CLSTN2: variants seen among roughly 807,000 people sequenced by gnomAD.
CLSTN2 encodes the protein calsyntenin 2.
CLSTN2 carries 48 observed loss-of-function variants against 101.2 expected under a neutral mutation model. That is an observed-to-expected ratio of 0.47 (90% CI 0.38 to 0.60). The LOEUF (loss-of-function observed/expected upper bound fraction) is 0.60, where lower values mean the gene tolerates loss of function less well. CLSTN2 is among the 20% of genes least tolerant of loss of function. The pLI, the probability that CLSTN2 is intolerant of heterozygous loss-of-function variation, is 0.00. For missense variants in CLSTN2, 1,160 were observed against 1,238.2 expected, an observed-to-expected ratio of 0.94 and a Z score of 0.95; for synonymous variants, 481 against 463.6, an observed-to-expected ratio of 1.04 and a Z score of -0.48.
intron 1 of CLSTN2, among the ~76,000 whole-genome samples, chr3:140,003,645 T>G (rs2006893502): frequency 6.6e-6 from 1 of 152,182 alleles, no homozygotes; most frequent in African/African-American, 2.4e-5. Flanking sequence ...TTCCATTCAG[T>G]ATGATACTAG....
chr3:140,563,043 C>G, intron 14 of CLSTN2, 37 bp from the exon 15 acceptor site: 1 of 1,613,186 alleles, frequency 6.2e-7, no homozygotes, highest in Non-Finnish European at 8.5e-7. Context: ...CCACCTGCCA[C>G]TCCTGGGTCA....
chr3:139,999,201 CA>C (rs1487905590), intron 1 of CLSTN2, among the ~76,000 whole-genome samples: 1 of 152,120 alleles, frequency 6.6e-6, no homozygotes, highest in East Asian at 1.9e-4. Flanking sequence ...ATTTTAGATA[CA>C]GGGGGTACAT....
At chr3:140,490,231 C>T (rs1934326987) in intron 8 of CLSTN2, among the ~76,000 whole-genome samples, 1 of 148,898 alleles carries the variant, frequency 6.7e-6, no homozygotes, top group African/African-American at 2.5e-5. Flanking sequence ...GAATCCACAC[C>T]GGTCATTTCT....
intron 2 of CLSTN2, among the ~76,000 whole-genome samples, chr3:140,388,035 G>A (rs2088072951): frequency 6.6e-6 from 1 of 152,198 alleles, no homozygotes; most frequent in African/African-American, 2.4e-5. Context: ...CAAGCACCAC[G>A]ATTGCTTCTC....
At chr3:140,162,723 T>C (rs1389443499) in intron 1 of CLSTN2, among the ~76,000 whole-genome samples, 1 of 152,184 alleles carries the variant, frequency 6.6e-6, no homozygotes, top group Non-Finnish European at 1.5e-5. Context: ...ACAGTTCACA[T>C]AAATAACAAG....
intron 1 of CLSTN2, among the ~76,000 whole-genome samples, chr3:140,028,205 G>A (rs184496586): frequency 5.9e-5 from 9 of 152,250 alleles, no homozygotes; most frequent in East Asian, 5.8e-4. Context: ...AGGGAAGGTC[G>A]TGTTTCTTAA....
At chr3:139,955,722 T>C (rs1045535257) in intron 1 of CLSTN2, among the ~76,000 whole-genome samples, 11 of 152,252 alleles carry the variant, frequency 7.2e-5, no homozygotes, top group Non-Finnish European at 1.6e-4. Context: ...ATGGCTTGCA[T>C]TTTCTCCTGG....
intron 1 of CLSTN2, among the ~76,000 whole-genome samples, chr3:140,164,267 G>A (rs546038268): frequency 6.6e-6 from 1 of 152,098 alleles, no homozygotes; most frequent in Non-Finnish European, 1.5e-5. Flanking sequence ...GCCCTTGGGA[G>A]TTAAGCTTAG....
rs775598204 is a variant in CLSTN2, at chr3:140,572,298, A to G, written c.*6045A>G. 2 of 152,248 alleles carry G rather than the reference A, an allele frequency of 1.3e-5. No individual in the cohort carries two copies. The highest frequency in any genetic ancestry group is 6.5e-5 in the Admixed American group (1 of 15,284). The allele number at this position is 152,248 out of a possible 1,614,324, so 9.4% of individuals were successfully genotyped here. On this transcript the variant is annotated 3_prime_UTR_variant, in exon 17 of 17. Transcript: ENST00000458420. ...TTTCCCTGAATATTCCTCAATTCCA[A>G]TCAAGGCTGACTCAGTTCACTTATG...
intron 1 of CLSTN2, among the ~76,000 whole-genome samples, chr3:140,044,230 G>A (rs193143388): frequency 0.014 from 2,061 of 152,212 alleles, 47 homozygotes; most frequent in African/African-American, 0.041. Context: ...AGTTCTCCTT[G>A]AAGTGGTCCT....
chr3:140,123,959 C>T (rs992702560), intron 1 of CLSTN2, among the ~76,000 whole-genome samples: 6 of 152,072 alleles, frequency 3.9e-5, no homozygotes, highest in African/African-American at 7.2e-5. Flanking sequence ...GCCCTATCTA[C>T]AAAAACAATC....
At chr3:140,035,233 G>A (rs564251702) in intron 1 of CLSTN2, among the ~76,000 whole-genome samples, 113 of 152,346 alleles carry the variant, frequency 7.4e-4, no homozygotes, top group African/African-American at 2.7e-3. Context: ...TAGGAATTCT[G>A]ATCAGTCCCA....
intron 1 of CLSTN2, among the ~76,000 whole-genome samples, chr3:139,960,184 T>C (rs1935482565): frequency 6.6e-6 from 1 of 152,238 alleles, no homozygotes; most frequent in Non-Finnish European, 1.5e-5. Context: ...TCATGACTGA[T>C]TTCAAGTTAC....
At chr3:140,042,565 G>T (rs2007782495) in intron 1 of CLSTN2, among the ~76,000 whole-genome samples, 1 of 152,050 alleles carries the variant, frequency 6.6e-6, no homozygotes, top group African/African-American at 2.4e-5. Context: ...GGGTACATGT[G>T]CACAATGTGC....
chr3:140,356,756 C>CAAAAAA (rs55634580), intron 2 of CLSTN2, among the ~76,000 whole-genome samples: 4 of 111,068 alleles, frequency 3.6e-5, no homozygotes, highest in African/African-American at 3.6e-5. Flanking sequence ...GACCTTGTCT[C>CAAAAAA]AAAAAAAAAA....
rs147351601 is a variant in CLSTN2, at chr3:140,017,805, G to A, written c.109+82322G>A. On this transcript the variant is annotated intron_variant, in intron 1 of 16. Coordinates refer to ENST00000458420, the MANE Select transcript of CLSTN2 (RefSeq NM_022131.3). The stretch of plus-strand genomic sequence containing the variant: ...AGCAAAAGCTGGCCACAGGCCTGAC[G>A]CAGGCCTTTGCTTCTACCTGCAAAT... Among the ~76,000 whole-genome samples, 6 of 152,354 alleles carry A rather than the reference G, an allele frequency of 3.9e-5. No homozygotes were observed. In the East Asian group the frequency reaches 9.6e-4, roughly 25 times the overall value.
intron 2 of CLSTN2, among the ~76,000 whole-genome samples, chr3:140,316,650 G>A (rs114781041): frequency 0.014 from 2,164 of 152,226 alleles, 53 homozygotes; most frequent in African/African-American, 0.048. Flanking sequence ...TCTCAGGGTC[G>A]TGTGGGATAC....
At chr3:140,135,158 AT>A (rs2009596437) in intron 1 of CLSTN2, among the ~76,000 whole-genome samples, 16 of 131,742 alleles carry the variant, frequency 1.2e-4, no homozygotes, top group African/African-American at 2.3e-4. Flanking sequence ...ATATATATAT[AT>A]ATAAAATATG....
chr3:140,422,885 A>G (rs903867528), intron 5 of CLSTN2, among the ~76,000 whole-genome samples: 2 of 152,212 alleles, frequency 1.3e-5, no homozygotes, highest in African/African-American at 2.4e-5. Flanking sequence ...ATGAATGAAT[A>G]AATGAATGAA....
Sources: gnomAD v4.1 joint callset for allele counts (sites outside exome capture counted in the v4.1 genomes callset) on GRCh38, gnomAD v4.1.1 for gene constraint, MANE v1.5 for transcripts, NCBI Gene and HGNC (gene_info 2026-07-23, HGNC 2026-07-21) for gene names.